The following GAGE10 variants were observed in gnomAD, a reference collection of about 807,000 sequenced individuals.
The protein encoded by GAGE10 is G antigen 10.
In GAGE10, 9 loss-of-function variants were observed where a neutral mutation model predicts 11.5. The observed-to-expected ratio is 0.78, with a 90% confidence interval of 0.47 to 1.37. GAGE10 has a LOEUF of 1.37. Among genes scored for constraint, GAGE10 ranks in the 40% most tolerant of loss-of-function variants. GAGE10 has a pLI of 0.00. For synonymous variants in GAGE10, 23 were observed against 29.7 expected (o/e 0.77, Z 0.73); for missense variants, 83 against 92.9 (o/e 0.89, Z 0.44).
chrX:49,317,305 G>A lies in GAGE10; in HGVS notation c.328+17G>A, dbSNP rs782700498. 21 of 1,192,563 alleles carry A rather than the reference G, an allele frequency of 1.8e-5. No homozygotes were observed. The South Asian group carries it at 1.8e-4, about 10-fold the overall frequency. ...CTGAAGAAGGTAGGGAATCCATTAG[G>A]CATGCACATTGTAGGGTGTCTGTTT... On this transcript the variant is annotated intron_variant, in intron 4 of 4. Coordinates refer to ENST00000407599, the MANE Select transcript of GAGE10 (RefSeq NM_001098413.4).
chrX:49,305,664 G>C (rs1557124048), intron 3 of GAGE10, 140 bp downstream of exon 3: 1 of 924,144 alleles, frequency 1.1e-6, no homozygotes, highest in African/African-American at 2.2e-5. Flanking sequence ...TGGAAAGAAT[G>C]CCTGAAATTG....
intron 4 of GAGE10, among the ~76,000 whole-genome samples, chrX:49,317,571 C>T (rs781829730): frequency 2.7e-5 from 3 of 111,632 alleles, no homozygotes; most frequent in African/African-American, 9.8e-5. Context: ...TGTTCCCGAA[C>T]TCCTGACCTC....
chrX:49,318,545 A>G (rs1872150381), intron 4 of GAGE10, among the ~76,000 whole-genome samples: 1 of 99,256 alleles, frequency 1.0e-5, no homozygotes, highest in South Asian at 4.2e-4. Context: ...CTTTTAATGA[A>G]CAATTGCTTC....
At chrX:49,317,068 G>A (rs782758281) in intron 3 of GAGE10, 95 bp from the exon 4 acceptor site, 2 of 988,928 alleles carry the variant, frequency 2.0e-6, no homozygotes, top group East Asian at 3.4e-5. Flanking sequence ...ACTAGCTAAA[G>A]CTTTTATATA....
intron 3 of GAGE10, among the ~76,000 whole-genome samples, chrX:49,315,306 C>G (rs1383734286): frequency 8.9e-6 from 1 of 111,983 alleles, no homozygotes; most frequent in African/African-American, 3.2e-5. Context: ...AAAAGAAGAA[C>G]TAGAAGAAGC....
intron 3 of GAGE10, 85 bp from the exon 4 acceptor site, chrX:49,317,078 A>C: frequency 1.9e-6 from 2 of 1,029,916 alleles, no homozygotes; most frequent in Non-Finnish European, 2.7e-6. Flanking sequence ...GCTTTTATAT[A>C]ATAACACCGA....
intron 4 of GAGE10, among the ~76,000 whole-genome samples, 167 bp from the exon 5 acceptor site, chrX:49,319,561 A>G (rs2066408466): frequency 8.7e-6 from 1 of 114,715 alleles, no homozygotes; most frequent in Non-Finnish European, 1.9e-5. Context: ...TCTACGCTCA[A>G]AGTTTATGCA....
intron 3 of GAGE10, among the ~76,000 whole-genome samples, chrX:49,307,216 CCA>C (rs1332767215): frequency 9.0e-6 from 1 of 111,553 alleles, no homozygotes; most frequent in African/African-American, 3.3e-5. Flanking sequence ...ACCCTGCTTC[CCA>C]CACACTCACA....
intron 4 of GAGE10, 52 bp downstream of exon 4, chrX:49,317,340 C>A: frequency 1.7e-6 from 2 of 1,157,305 alleles, no homozygotes; most frequent in Admixed American, 2.3e-5. Context: ...TCCACAGTAT[C>A]GTATCATAAT....
intron 3 of GAGE10, among the ~76,000 whole-genome samples, chrX:49,309,006 C>T (rs2066366747): frequency 1.8e-5 from 2 of 112,098 alleles, no homozygotes; most frequent in Admixed American, 9.4e-5. Flanking sequence ...GATCCCTTAG[C>T]GTGGGCTGTG....
chrX:49,310,353 G>A (rs1280881232), intron 3 of GAGE10, among the ~76,000 whole-genome samples: 1 of 111,977 alleles, frequency 8.9e-6, no homozygotes, highest in Non-Finnish European at 1.9e-5. Flanking sequence ...TACAGGAAGA[G>A]AAGCTGGCTC....
At chrX:49,310,579 A>T (rs1321280136) in intron 3 of GAGE10, among the ~76,000 whole-genome samples, 1 of 111,979 alleles carries the variant, frequency 8.9e-6, no homozygotes, top group Non-Finnish European at 1.9e-5. Flanking sequence ...CTTCCGAGGC[A>T]GATCCTGATC....
intron 1 of GAGE10, among the ~76,000 whole-genome samples, chrX:49,304,322 A>G (rs1483146627): frequency 8.9e-6 from 1 of 112,696 alleles, no homozygotes; most frequent in African/African-American, 3.2e-5. Context: ...GGTCCAATCA[A>G]ACTTGATTTG....
chrX:49,317,397 G>C (rs1332905737), intron 4 of GAGE10, 109 bp downstream of exon 4: 3 of 1,063,776 alleles, frequency 2.8e-6, no homozygotes, highest in Non-Finnish European at 3.8e-6. Context: ...CACCAGGCTG[G>C]AGTGCAGTGG....
intron 3 of GAGE10, among the ~76,000 whole-genome samples, chrX:49,307,954 C>T (rs1449004217): frequency 8.9e-6 from 1 of 112,229 alleles, no homozygotes; most frequent in African/African-American, 3.2e-5. Flanking sequence ...ATTGTGAAGA[C>T]CCTGTTTCTC....
chrX:49,316,049 G>A (rs2066390517), intron 3 of GAGE10, among the ~76,000 whole-genome samples: 1 of 111,941 alleles, frequency 8.9e-6, no homozygotes, highest in Non-Finnish European at 1.9e-5. Context: ...CCAAAGGGGG[G>A]AAATGAAACA....
intron 1 of GAGE10, 22 bp from the exon 2 acceptor site, chrX:49,304,830 A>T (rs781802977): frequency 8.4e-7 from 1 of 1,185,307 alleles, no homozygotes; most frequent in Non-Finnish European, 1.1e-6. Flanking sequence ...GCACGTTCCC[A>T]ATCACGGTTG....
At chrX:49,310,727 A>G (rs1328233360) in intron 3 of GAGE10, among the ~76,000 whole-genome samples, 10 of 106,299 alleles carry the variant, frequency 9.4e-5, no homozygotes, top group Non-Finnish European at 1.5e-4. Flanking sequence ...ATTGGTGCTG[A>G]TTTCTCTGTG....
At chrX:49,304,977 G>T in intron 2 of GAGE10, 37 bp downstream of exon 2, 1 of 1,172,211 alleles carries the variant, frequency 8.5e-7, no homozygotes, top group Non-Finnish European at 1.2e-6. Context: ...TTTTCTATTA[G>T]CAGAAATTAA....
Sources: gnomAD v4.1 joint callset for allele counts (sites outside exome capture counted in the v4.1 genomes callset) on GRCh38, gnomAD v4.1.1 for gene constraint, MANE v1.5 for transcripts, NCBI Gene and HGNC (gene_info 2026-07-23, HGNC 2026-07-21) for gene names.